Variants in TBXAS1 observed in about 807,000 individuals in gnomAD.
TBXAS1 encodes the protein thromboxane A synthase 1, also known as thromboxane-A synthase.
TBXAS1 carries 48 observed loss-of-function variants against 60.7 expected under a neutral mutation model. The observed-to-expected ratio is 0.79, with a 90% CI of 0.63 to 1.01. TBXAS1 has a LOEUF of 1.01. Ranked by LOEUF, TBXAS1 falls within the 50% of genes least tolerant of loss-of-function variation. The probability of loss-of-function intolerance (pLI) is 0.00; values close to 1 mark genes in which losing one functional copy is unlikely to be tolerated. For synonymous variants in TBXAS1, 287 were observed against 269.7 expected, an observed-to-expected ratio of 1.06 and a Z score of -0.63; for missense variants, 685 against 686.3, an observed-to-expected ratio of 1.00 and a Z score of 0.02.
At chr7:139,878,630 T>C (rs530060663) in intron 3 of TBXAS1, among the ~76,000 whole-genome samples, 1 of 152,330 alleles carries the variant, frequency 6.6e-6, no homozygotes, top group South Asian at 2.1e-4. Flanking sequence ...AAATCGAATG[T>C]CTTTTCTAAC....
At chr7:139,857,906 AT>A (rs1204660100) in intron 1 of TBXAS1, among the ~76,000 whole-genome samples, 3 of 151,180 alleles carry the variant, frequency 2.0e-5, no homozygotes, top group Non-Finnish European at 3.0e-5. Context: ...ATTTTTAAAA[AT>A]TTTTTTTGTA....
chr7:139,856,871 G>A (rs1800618341), intron 1 of TBXAS1, among the ~76,000 whole-genome samples: 1 of 152,176 alleles, frequency 6.6e-6, no homozygotes, highest in Non-Finnish European at 1.5e-5. Context: ...TGTCAGCGGT[G>A]GAGGCTTTTA....
chr7:139,890,271 T>A lies in TBXAS1; in HGVS notation c.236+14634T>A, dbSNP rs965334599. On this transcript the variant is annotated intron_variant, in intron 3 of 12. Transcript: ENST00000448866. ...CGTTTTGTCGCCCAGGCTGGAGTGC[T>A]GTGGCGCGATCTCCGCTCACTGCAA... Among the ~76,000 whole-genome samples the A allele has an allele frequency of 5.2e-5, 7 of 133,340 alleles. No individual in the cohort carries two copies. The East Asian group carries it at 7.6e-4, about 14-fold the overall frequency. 87.5% of individuals were successfully genotyped at this position (133,340 alleles called of 152,430 possible). A position where few individuals can be genotyped will look rare whatever the true frequency, so the allele number is the denominator to read the frequency against.
chr7:139,974,189 G>T (rs1457367674), intron 9 of TBXAS1, among the ~76,000 whole-genome samples: 2 of 152,190 alleles, frequency 1.3e-5, no homozygotes, highest in Non-Finnish European at 2.9e-5. Context: ...GAGGTCCAGA[G>T]GGAGGGTGGT....
intron 1 of TBXAS1, among the ~76,000 whole-genome samples, chr7:139,779,304 T>C (rs999049944): frequency 1.3e-5 from 2 of 152,334 alleles, no homozygotes; most frequent in African/African-American, 4.8e-5. Flanking sequence ...TTTCACACTT[T>C]TTTAGTGGTA....
intron 9 of TBXAS1, among the ~76,000 whole-genome samples, chr7:139,971,341 C>T (rs965431896): frequency 4.6e-5 from 7 of 152,184 alleles, no homozygotes; most frequent in Non-Finnish European, 1.0e-4. Flanking sequence ...GCTACCAACA[C>T]ACCAACTCCC....
At chr7:139,804,686 G>A (rs1389882757) in intron 4 of TBXAS1, among the ~76,000 whole-genome samples, 1 of 152,136 alleles carries the variant, frequency 6.6e-6, no homozygotes, top group Non-Finnish European at 1.5e-5. Context: ...TTTCATGATA[G>A]TAAGTCTCAT....
Position 140,002,538 on chromosome 7 carries a change from C to CAACTGCTGGGTGGACCAGCCAGT in TBXAS1, c.1135-4552_1135-4530dup, listed in dbSNP as rs1401777987. Reference sequence around the variant, plus strand: ...TCCTGAAAGCTGCAGACAAAGCCAGCAACTGCTGGGTGGACCAGCCAGTGA... The same window carrying CAACTGCTGGGTGGACCAGCCAGT: ...TCCTGAAAGCTGCAGACAAAGCCAGCAACTGCTGGGTGGACCAGCCAGTAACTGCTGGGTGGACCAGCCAGTGA... On this transcript the variant is annotated intron_variant, in intron 9 of 12. Transcript: ENST00000448866. 3.4e-3 allele frequency among the ~76,000 whole-genome samples: 525 copies of CAACTGCTGGGTGGACCAGCCAGT among 152,330 alleles called. 3 individuals are homozygous for CAACTGCTGGGTGGACCAGCCAGT. Among genetic ancestry groups the CAACTGCTGGGTGGACCAGCCAGT allele is most frequent in the African/African-American group, 0.012 (503 of 41,576 alleles).
intron 3 of TBXAS1, among the ~76,000 whole-genome samples, chr7:139,880,242 G>A (rs76302137): frequency 0.015 from 2,329 of 152,046 alleles, 34 homozygotes; most frequent in African/African-American, 0.033. Flanking sequence ...CCTTATCCCC[G>A]TTTCTTCTTC....
chr7:139,931,070 C>A lies in TBXAS1; in HGVS notation c.334-5121C>A, dbSNP rs144755174. On this transcript the variant is annotated intron_variant, in intron 4 of 12. Coordinates refer to ENST00000448866, the MANE Select transcript of TBXAS1 (RefSeq NM_001061.7). ...ACACACACACATACACACATACACACGCATACATGTACATACACACATACA... is the reference window on the plus strand; with the variant it reads ...ACACACACACATACACACATACACAAGCATACATGTACATACACACATACA... Among the ~76,000 whole-genome samples, 78 of 152,076 alleles carry A rather than the reference C, an allele frequency of 5.1e-4. No individual in the cohort carries two copies. In the Middle Eastern group the frequency reaches 0.024, roughly 46 times the overall value.
chr7:139,953,397 C>A lies in TBXAS1; in HGVS notation c.480C>A (p.Asp160Glu), dbSNP rs5768. The A allele has an allele frequency of 6.6e-3, 10,668 of 1,614,220 alleles. 42 individuals are homozygous for A. Among genetic ancestry groups the A allele is most frequent in the Middle Eastern group, 0.014 (85 of 6,062 alleles). ...EMVPLISQAC[D>E]LLLAHLKRYA... is the part of the protein sequence containing the mutation. Reference sequence around the variant, plus strand: ...TTCCCCTCATCAGCCAAGCCTGCGACCTTCTCCTGGCTCATTTAAAACGCT... The same window carrying A: ...TTCCCCTCATCAGCCAAGCCTGCGAACTTCTCCTGGCTCATTTAAAACGCT... Residue 160 changes from aspartate to glutamate, a missense_variant, in exon 6 of 13, where the codon GAC becomes GAA. Physicochemically the swap from Asp to Glu is conservative, Grantham distance 45 (BLOSUM62 2). Transcript: ENST00000448866.
At position 139,911,242 on chromosome 7, in the gene TBXAS1, G is replaced by A. The variant is rs372928270; in HGVS notation, c.254G>A (p.Arg85Gln). Residue 85 changes from arginine to glutamine, a missense_variant, in exon 4 of 13, where the codon CGG (arginine) becomes CAG (glutamine). Transcript: ENST00000448866. ...GPLCGYYLGRRMFIVISEPDM... is the reference protein window; with the variant it reads ...GPLCGYYLGRQMFIVISEPDM... ...CCTCCCAGGTACTATCTTGGTCGTC[G>A]GATGTTTATTGTTATTTCTGAGCCA... 49 of 1,613,936 alleles carry A rather than the reference G, an allele frequency of 3.0e-5. No individual in the cohort carries two copies. The highest frequency in any genetic ancestry group is 5.3e-5 in the African/African-American group (4 of 74,876).
At chr7:139,908,048 T>G (rs1461004302) in intron 3 of TBXAS1, among the ~76,000 whole-genome samples, 1 of 152,106 alleles carries the variant, frequency 6.6e-6, no homozygotes, top group African/African-American at 2.4e-5. Context: ...CTCTCTTTTA[T>G]CTTTGTTAGT....
chr7:139,953,888 TA>T (rs1554497333), intron 6 of TBXAS1, among the ~76,000 whole-genome samples: 2 of 152,214 alleles, frequency 1.3e-5, no homozygotes, highest in African/African-American at 4.8e-5. Flanking sequence ...GTTTTTGCTT[TA>T]AAAAAACATC....
At chr7:139,833,509 C>CAAAAAAAAAA (rs56291914) in intron 1 of TBXAS1, among the ~76,000 whole-genome samples, 1 of 74,412 alleles carries the variant, frequency 1.3e-5, no homozygotes, top group Non-Finnish European at 2.8e-5. Flanking sequence ...ACTAAAAATA[C>CAAAAAAAAAA]AAAAAAAAAA....
chr7:139,890,690 G>A (rs1167076334), intron 3 of TBXAS1, among the ~76,000 whole-genome samples: 1 of 152,164 alleles, frequency 6.6e-6, no homozygotes, highest in Non-Finnish European at 1.5e-5. Flanking sequence ...CTTCACCATT[G>A]TGAATTATCA....
chr7:139,975,703 T>A lies in TBXAS1; in HGVS notation c.1134+13470T>A, dbSNP rs560952890. Among the ~76,000 whole-genome samples the A allele has an allele frequency of 3.9e-4, 60 of 152,320 alleles. 2 individuals are homozygous for A. In the South Asian group the frequency reaches 9.1e-3, roughly 23 times the overall value. On this transcript the variant is annotated intron_variant, in intron 9 of 12. Transcript: ENST00000448866. The surrounding 1 kb of genome is among the most constrained non-coding windows in gnomAD (Gnocchi z 4.4). ...TCATCCAGGCTCTGAGCCCTGAGGATAATAAGTTTCCCTCGAAGGTCCTGG... is the reference window on the plus strand; with the variant it reads ...TCATCCAGGCTCTGAGCCCTGAGGAAAATAAGTTTCCCTCGAAGGTCCTGG...
intron 10 of TBXAS1, among the ~76,000 whole-genome samples, 176 bp downstream of exon 10, chr7:140,007,358 T>A (rs1286333590): frequency 6.6e-6 from 1 of 152,172 alleles, no homozygotes; most frequent in Admixed American, 6.5e-5. Flanking sequence ...CCCGCTTTCC[T>A]ACAGGTTAAC....
chr7:139,822,446 A>T (rs1454644587), intron 4 of TBXAS1, among the ~76,000 whole-genome samples: 4 of 151,956 alleles, frequency 2.6e-5, no homozygotes, highest in Non-Finnish European at 1.5e-5. Flanking sequence ...CCCCATCCAC[A>T]AGCAAATGGC....
Sources: gnomAD v4.1 joint callset for allele counts (sites outside exome capture counted in the v4.1 genomes callset) on GRCh38, gnomAD v4.1.1 for gene constraint, Gnocchi (gnomAD v3.1) non-coding constraint, MANE v1.5 for transcripts, NCBI Gene and HGNC (gene_info 2026-07-23, HGNC 2026-07-21) for gene names.